STYX: variants seen among roughly 807,000 people sequenced by gnomAD.
STYX encodes serine/threonine/tyrosine interacting protein.
Under a neutral mutation model 42.7 loss-of-function variants are expected in STYX, and 20 were observed. That is an observed-to-expected ratio of 0.47 (90% confidence interval 0.33 to 0.68). The LOEUF is 0.68. STYX is among the 30% of genes least tolerant of loss of function. The pLI is 0.02. For missense variants in STYX, 226 were observed against 268.5 expected (o/e 0.84, Z 1.11); for synonymous variants, 78 against 81.9 (o/e 0.95, Z 0.26).
intron 3 of STYX, among the ~76,000 whole-genome samples, chr14:52,748,972 C>G (rs569539982): frequency 1.1e-4 from 16 of 152,334 alleles, no homozygotes; most frequent in Admixed American, 4.6e-4. Context: ...TGACATAAAA[C>G]TTGCTGCAGA....
intron 1 of STYX, among the ~76,000 whole-genome samples, chr14:52,740,141 G>A (rs989541942): frequency 3.3e-5 from 5 of 152,226 alleles, no homozygotes; most frequent in Admixed American, 2.0e-4. Context: ...GCCAGGTTTG[G>A]TGGTGGGCGC....
At chr14:52,746,582 A>T in intron 3 of STYX, 103 bp downstream of exon 3, 2 of 940,976 alleles carry the variant, frequency 2.1e-6, no homozygotes, top group Non-Finnish European at 1.6e-6. Flanking sequence ...GCATCCACAA[A>T]TACTGTCTGT....
chr14:52,737,244 C>T (rs2139880886), intron 1 of STYX, among the ~76,000 whole-genome samples: 1 of 152,256 alleles, frequency 6.6e-6, no homozygotes, highest in East Asian at 1.9e-4. Flanking sequence ...CTAATGGTTA[C>T]AGTCTATATC....
chr14:52,732,733 T>C (rs10148600), intron 1 of STYX, among the ~76,000 whole-genome samples: 97,516 of 151,938 alleles, frequency 0.64, 31,720 homozygotes, highest in African/African-American at 0.75. Flanking sequence ...TGCAGTGGCG[T>C]GATCTCCGCT....
intron 1 of STYX, among the ~76,000 whole-genome samples, chr14:52,740,125 A>C (rs565196921): frequency 6.6e-6 from 1 of 152,106 alleles, no homozygotes; most frequent in African/African-American, 2.4e-5. Flanking sequence ...AAAAATACAA[A>C]AATTAGCCAG....
rs980704016 is a variant in STYX at position 52,766,364 on chromosome 14, T to G, written c.505-2476T>G. Among the ~76,000 whole-genome samples, 4 of 152,182 alleles carry G rather than the reference T, an allele frequency of 2.6e-5. No homozygotes were observed. The South Asian group carries it at 8.3e-4, about 32-fold the overall frequency. The stretch of plus-strand genomic sequence containing the variant: ...GTATTTTTTGTAGAGAGACAGGGTT[T>G]CACCATGTAAGCCAGGCTGGTCTGG... On this transcript the variant is annotated intron_variant, in intron 9 of 10. Transcript: ENST00000354586.
At chr14:52,769,975 A>T (rs1882451016) in intron 10 of STYX, among the ~76,000 whole-genome samples, 1 of 151,958 alleles carries the variant, frequency 6.6e-6, no homozygotes, top group Non-Finnish European at 1.5e-5. Context: ...TTATGTCTGC[A>T]TTTCAGAAAA....
chr14:52,764,915 C>T (rs1052049298), intron 9 of STYX, among the ~76,000 whole-genome samples: 9 of 152,030 alleles, frequency 5.9e-5, no homozygotes, highest in African/African-American at 2.2e-4. Flanking sequence ...GTGATCCACC[C>T]GCCTCAGCAT....
intron 3 of STYX, among the ~76,000 whole-genome samples, chr14:52,748,646 C>A (rs1425471202): frequency 6.6e-6 from 1 of 152,122 alleles, no homozygotes; most frequent in African/African-American, 2.4e-5. Context: ...AATCTATTCG[C>A]TGTTACGTTA....
chr14:52,742,437 G>C (rs1235781426), intron 1 of STYX, among the ~76,000 whole-genome samples: 1 of 152,018 alleles, frequency 6.6e-6, no homozygotes, highest in Non-Finnish European at 1.5e-5. Flanking sequence ...ATACATTGCT[G>C]GTGGGAGTGT....
At chr14:52,762,758 A>C (rs560503357) in intron 9 of STYX, among the ~76,000 whole-genome samples, 4 of 151,480 alleles carry the variant, frequency 2.6e-5, no homozygotes, top group African/African-American at 9.7e-5. Context: ...ATAATGTTTT[A>C]TCTAATTCAG....
At chr14:52,745,316 C>T (rs1881355790) in intron 2 of STYX, among the ~76,000 whole-genome samples, 1 of 152,132 alleles carries the variant, frequency 6.6e-6, no homozygotes, top group African/African-American at 2.4e-5. Flanking sequence ...GACAGGGTTT[C>T]TCCTTGTTCA....
intron 7 of STYX, 45 bp downstream of exon 7, chr14:52,757,827 T>C (rs770015531): frequency 6.2e-7 from 1 of 1,612,524 alleles, no homozygotes; most frequent in South Asian, 1.1e-5. Context: ...ATTTAATTAA[T>C]GGGCTGTATT....
intron 1 of STYX, among the ~76,000 whole-genome samples, chr14:52,743,537 C>T (rs1282785308): frequency 2.6e-5 from 4 of 152,036 alleles, no homozygotes; most frequent in South Asian, 2.1e-4. Flanking sequence ...GCCGAGATCG[C>T]GCCACTGCAC....
intron 8 of STYX, 73 bp from the exon 9 acceptor site, chr14:52,759,609 A>G (rs1301036089): frequency 9.8e-6 from 10 of 1,023,550 alleles, no homozygotes; most frequent in Admixed American, 8.5e-5. Flanking sequence ...ACCCCTCTCT[A>G]TTGCTAAGTT....
At position 52,763,786 on chromosome 14, in the gene STYX, T is replaced by C. The variant is rs1229658199; in HGVS notation, c.504+4032T>C. ...GCATTTGAAAAGAAGATGCATTCTG[T>C]TTTCAGGGGATAAAGTTAAATGTAT... On this transcript the variant is annotated intron_variant, in intron 9 of 10. Coordinates refer to ENST00000354586, the MANE Select transcript of STYX (RefSeq NM_145251.4). Among the ~76,000 whole-genome samples the C allele has an allele frequency of 3.3e-5, 5 of 152,332 alleles. No homozygotes were observed. The South Asian group carries it at 1.0e-3, about 32-fold the overall frequency.
chr14:52,745,944 G>A (rs1881378921), intron 2 of STYX, among the ~76,000 whole-genome samples: 1 of 152,198 alleles, frequency 6.6e-6, no homozygotes, highest in African/African-American at 2.4e-5. Context: ...TTATAGAACT[G>A]AACTATAAAG....
intron 5 of STYX, 70 bp downstream of exon 5, chr14:52,756,681 T>A: frequency 2.5e-6 from 1 of 406,624 alleles, no homozygotes; most frequent in East Asian, 5.7e-5. Flanking sequence ...TGTGCTTTTT[T>A]TTTTTTTTTT....
chr14:52,742,430 C>T (rs1013489461), intron 1 of STYX, among the ~76,000 whole-genome samples: 2 of 152,096 alleles, frequency 1.3e-5, no homozygotes, highest in African/African-American at 4.8e-5. Flanking sequence ...AAGTCCCATA[C>T]ATTGCTGGTG....
Sources: allele counts gnomAD v4.1 joint callset (sites outside exome capture counted in the v4.1 genomes callset), GRCh38; gene constraint gnomAD v4.1.1; transcripts MANE v1.5; gene names NCBI Gene and HGNC (gene_info 2026-07-23, HGNC 2026-07-21).